SLC12A6: variants seen among roughly 807,000 people sequenced by gnomAD.
SLC12A6 encodes the protein solute carrier family 12 member 6.
SLC12A6 carries 66 observed loss-of-function variants against 135.3 expected under a neutral mutation model. The ratio of observed to expected loss-of-function variants is 0.49; its 90% CI spans 0.40 to 0.60. SLC12A6 has a LOEUF of 0.60. Among genes scored for constraint, SLC12A6 ranks in the 20% least tolerant of loss-of-function variants. The pLI, the probability that SLC12A6 is intolerant of heterozygous loss-of-function variation, is 0.00. For synonymous variants in SLC12A6, 513 were observed against 508.8 expected (o/e 1.01, Z -0.11); for missense variants, 1,058 against 1,452.3 (o/e 0.73, Z 4.41).
At chr15:34,267,103 T>TA (rs1178926893) in intron 3 of SLC12A6, among the ~76,000 whole-genome samples, 29 of 152,176 alleles carry the variant, frequency 1.9e-4, no homozygotes, top group Non-Finnish European at 1.5e-5. Context: ...CTATATATCT[T>TA]AAATTGTTAA....
chr15:34,292,954 G>A (rs773900772), intron 2 of SLC12A6, among the ~76,000 whole-genome samples: 2 of 152,258 alleles, frequency 1.3e-5, no homozygotes, highest in African/African-American at 4.8e-5. Context: ...GAAATCCCCC[G>A]ACCCCTTGTG....
chr15:34,310,738 T>G (rs1190983958), intron 2 of SLC12A6, among the ~76,000 whole-genome samples: 1 of 119,870 alleles, frequency 8.3e-6, no homozygotes, highest in African/African-American at 3.5e-5. Flanking sequence ...TGTGTCCCCG[T>G]GTCCAGGCTG....
chr15:34,259,153 A>G (rs1174632759), intron 4 of SLC12A6, among the ~76,000 whole-genome samples: 5 of 152,170 alleles, frequency 3.3e-5, no homozygotes, highest in Admixed American at 6.5e-5. Flanking sequence ...CAGCCTGGCC[A>G]AGATGGTGAA....
At chr15:34,253,091 T>TA (rs1362170096) in intron 9 of SLC12A6, among the ~76,000 whole-genome samples, 1 of 152,156 alleles carries the variant, frequency 6.6e-6, no homozygotes, top group East Asian at 1.9e-4. Context: ...GAGACACAAA[T>TA]ATAAACAAAG....
Position 34,250,645 on chromosome 15 carries a change from G to A in SLC12A6, c.1577C>T (p.Thr526Ile). 6.4e-7 allele frequency: 1 copy of A among 1,573,586 alleles called. No homozygotes were observed. The highest frequency in any genetic ancestry group is 8.7e-7 in the Non-Finnish European group (1 of 1,143,292). ...IPIGTILAIL[T>I]TSFVYLSNVV... Reference sequence around the variant, plus strand: ...AAAAAGGATACAAACAAAGGAGGTGGTCAGGATGGCAAGGATAGTACCAAT... The same window carrying A: ...AAAAAGGATACAAACAAAGGAGGTGATCAGGATGGCAAGGATAGTACCAAT... Residue 526 changes from threonine to isoleucine, a missense_variant, in exon 12 of 26, where the codon ACC becomes ATC. Thr to Ile is a moderately conservative substitution (Grantham distance 89, BLOSUM62 -1). This residue lies in a region of SLC12A6 where 297 missense variants were observed against 318.5 expected (regional missense o/e 0.93). Transcript: ENST00000354181.
At chr15:34,305,001 G>A (rs545016563) in intron 2 of SLC12A6, among the ~76,000 whole-genome samples, 19 of 152,206 alleles carry the variant, frequency 1.2e-4, no homozygotes, top group Middle Eastern at 3.4e-3. Flanking sequence ...CCCCTCATAG[G>A]GGAGAAATAT....
intron 2 of SLC12A6, among the ~76,000 whole-genome samples, chr15:34,329,964 C>T (rs1189863634): frequency 2.0e-5 from 3 of 152,186 alleles, no homozygotes; most frequent in South Asian, 4.1e-4. Flanking sequence ...GAGTACATTT[C>T]ATTTAACCTG....
Position 34,250,648 on chromosome 15 carries a change from A to G in SLC12A6, c.1574T>C (p.Leu525Pro). The change falls in exon 12 of 26, where the codon CTG becomes CCG. Residue 525 changes from leucine (L) to proline (P), a missense_variant. Physicochemically the swap from Leu to Pro is moderately conservative, Grantham distance 98 (BLOSUM62 -3). Around this residue, in one of 6 missense-constraint regions of SLC12A6, gnomAD observed 297 missense variants for 318.5 expected, o/e 0.93. Coordinates refer to ENST00000354181, the MANE Select transcript of SLC12A6 (RefSeq NM_001365088.1). ...SIPIGTILAI[L>P]TTSFVYLSNV... ...AAGGATACAAACAAAGGAGGTGGTC[A>G]GGATGGCAAGGATAGTACCAATCGG... 1 of 1,581,842 alleles carries G rather than the reference A, an allele frequency of 6.3e-7. No individual in the cohort carries two copies. Among genetic ancestry groups the G allele is most frequent in the Non-Finnish European group, 8.7e-7 (1 of 1,150,682 alleles).
intron 7 of SLC12A6, 83 bp from the exon 8 acceptor site, chr15:34,255,475 T>C (rs1340471132): frequency 2.0e-6 from 2 of 988,458 alleles, no homozygotes; most frequent in Non-Finnish European, 1.6e-6. Context: ...TAAGAAAAAA[T>C]ATATACATAA....
At chr15:34,303,363 T>C (rs999213811) in intron 2 of SLC12A6, among the ~76,000 whole-genome samples, 1 of 152,196 alleles carries the variant, frequency 6.6e-6, no homozygotes, top group African/African-American at 2.4e-5. Flanking sequence ...ACATTGTTTT[T>C]AGTGTGTATA....
At chr15:34,318,124 C>T (rs762109351) in intron 2 of SLC12A6, among the ~76,000 whole-genome samples, 2 of 152,118 alleles carry the variant, frequency 1.3e-5, no homozygotes, top group African/African-American at 4.8e-5. Context: ...TCAAAGTCCA[C>T]GGTACAAAAC....
At position 34,232,574 on chromosome 15, in the gene SLC12A6, C is replaced by T. The variant is rs897035163; in HGVS notation, c.*1307G>A. On this transcript the variant is annotated 3_prime_UTR_variant, in exon 26 of 26. Transcript: ENST00000354181. Reference sequence around the variant, plus strand: ...AGAAGACTGTTGGCTTGGCTAATCTCGTAGTTCAGGGCCAAGTTTCTGTAG... The same window carrying T: ...AGAAGACTGTTGGCTTGGCTAATCTTGTAGTTCAGGGCCAAGTTTCTGTAG... 4 of 152,306 alleles carry T rather than the reference C, an allele frequency of 2.6e-5. No homozygotes were observed. The highest frequency in any genetic ancestry group is 5.9e-5 in the Non-Finnish European group (4 of 68,030). The allele number at this position is 152,306 out of a possible 1,614,324, so 9.4% of individuals were successfully genotyped here. A position where few individuals can be genotyped will look rare whatever the true frequency, so the allele number is the denominator to read the frequency against.
At chr15:34,272,174 T>A (rs1894007695) in intron 3 of SLC12A6, among the ~76,000 whole-genome samples, 1 of 152,130 alleles carries the variant, frequency 6.6e-6, no homozygotes, top group African/African-American at 2.4e-5. Context: ...TTTCACCATC[T>A]TGGCTAGGCT....
At chr15:34,318,920 G>C in intron 2 of SLC12A6, 2 of 948,204 alleles carry the variant, frequency 2.1e-6, no homozygotes, top group South Asian at 3.5e-5. Flanking sequence ...CTCCACCCTT[G>C]CTTATTGTTA....
chr15:34,337,478 G>A lies in SLC12A6; in HGVS notation c.-219C>T, dbSNP rs535748389. On this transcript the variant is annotated 5_prime_UTR_variant, in exon 1 of 26. Coordinates refer to ENST00000354181, the MANE Select transcript of SLC12A6 (RefSeq NM_001365088.1). The stretch of plus-strand genomic sequence containing the variant: ...GGAGGTTAGCGGATCAAGACACCTC[G>A]GACTGCAGCTCAGAGTCGTGGCAAG... The A allele has an allele frequency of 6.6e-6, 1 of 152,540 alleles. No individual in the cohort carries two copies. The highest frequency in any genetic ancestry group is 6.5e-5 in the Admixed American group (1 of 15,322). The allele number at this position is 152,540 out of a possible 1,614,324, so 9.4% of individuals were successfully genotyped here.
intron 2 of SLC12A6, among the ~76,000 whole-genome samples, chr15:34,321,993 A>G (rs1022069991): frequency 1.3e-5 from 2 of 152,220 alleles, no homozygotes; most frequent in Non-Finnish European, 2.9e-5. Context: ...ACTGGGCCTG[A>G]AAGAACTTCC....
chr15:34,296,640 G>A (rs1408688956), intron 2 of SLC12A6, among the ~76,000 whole-genome samples: 4 of 152,168 alleles, frequency 2.6e-5, no homozygotes, highest in African/African-American at 9.7e-5. Flanking sequence ...TCTGGTGCAT[G>A]GAACTACACA....
At chr15:34,329,648 CA>C (rs1889706438) in intron 2 of SLC12A6, among the ~76,000 whole-genome samples, 1 of 151,998 alleles carries the variant, frequency 6.6e-6, no homozygotes, top group East Asian at 1.9e-4. Flanking sequence ...CTGTATTGAT[CA>C]CTGATATTTA....
intron 11 of SLC12A6, 62 bp from the exon 12 acceptor site, chr15:34,250,791 T>G: frequency 7.4e-7 from 1 of 1,351,732 alleles, no homozygotes; most frequent in Non-Finnish European, 1.1e-6. Flanking sequence ...TTGATACTGA[T>G]AGCAAAGAGT....
Sources: gnomAD v4.1 joint callset for allele counts (sites outside exome capture counted in the v4.1 genomes callset) on GRCh38, gnomAD v4.1.1 for gene constraint, gnomAD v4.1.1 regional missense constraint, MANE v1.5 for transcripts, NCBI Gene and HGNC (gene_info 2026-07-23, HGNC 2026-07-21) for gene names.